The following ABL1 variants were observed in gnomAD, a reference collection of about 807,000 sequenced individuals.
The protein encoded by ABL1 is tyrosine-protein kinase ABL1.
A neutral mutation model predicts 94.7 loss-of-function variants in ABL1; 11 were observed. The observed-to-expected ratio is 0.12, with a 90% CI of 0.07 to 0.19. ABL1 has a LOEUF of 0.19. Ranked by LOEUF, ABL1 falls within the 10% of genes least tolerant of loss-of-function variation. ABL1 has a pLI of 1.00. For synonymous variants in ABL1, 656 were observed against 622.4 expected, an observed-to-expected ratio of 1.05 and a Z score of -0.80; for missense variants, 1,082 against 1,489.4, an observed-to-expected ratio of 0.73 and a Z score of 4.50.
chr9:130,763,302 C>T (rs1164313218), intron 1 of ABL1, among the ~76,000 whole-genome samples: 1 of 148,282 alleles, frequency 6.7e-6, no homozygotes, highest in Non-Finnish European at 1.5e-5. Context: ...GTCACTCTAC[C>T]ATCCACTCAA....
intron 1 of ABL1, among the ~76,000 whole-genome samples, chr9:130,753,404 CTTCTTTTTTTTTCTT>C (rs1446471849): frequency 6.1e-5 from 9 of 147,024 alleles, no homozygotes; most frequent in Admixed American, 2.8e-4. Context: ...TCTCTCATCT[CTTCTTTTTTTTTCTT>C]TTCTTTTTTT....
chr9:130,823,654 C>T (rs779669004), intron 1 of ABL1, among the ~76,000 whole-genome samples: 1 of 152,132 alleles, frequency 6.6e-6, no homozygotes, highest in East Asian at 1.9e-4. Context: ...AGAGGGAGTG[C>T]GTGCCTGTTG....
At chr9:130,868,520 CTTTTTTTT>C (rs71389371) in intron 4 of ABL1, among the ~76,000 whole-genome samples, 4 of 112,114 alleles carry the variant, frequency 3.6e-5, no homozygotes, top group Non-Finnish European at 5.7e-5. Flanking sequence ...TTTTCTTTTT[CTTTTTTTT>C]TTTTTTTTTT....
intron 1 of ABL1, among the ~76,000 whole-genome samples, chr9:130,810,357 G>A (rs893670329): frequency 1.2e-4 from 19 of 152,250 alleles, no homozygotes; most frequent in Middle Eastern, 3.4e-3. Flanking sequence ...TTAGCTGGGT[G>A]TGGTAGCGTG....
chr9:130,839,301 T>C (rs1174908193), intron 1 of ABL1, among the ~76,000 whole-genome samples: 1 of 152,132 alleles, frequency 6.6e-6, no homozygotes, highest in Non-Finnish European at 1.5e-5. Flanking sequence ...AGCGGATGCT[T>C]CATGTGGTGC....
At chr9:130,852,743 T>C (rs1387670153) in intron 1 of ABL1, among the ~76,000 whole-genome samples, 1 of 152,172 alleles carries the variant, frequency 6.6e-6, no homozygotes, top group Non-Finnish European at 1.5e-5. Context: ...ATGAATAATA[T>C]TCACACATTT....
chr9:130,718,615 T>C (rs1446988711), intron 1 of ABL1, among the ~76,000 whole-genome samples: 1 of 152,180 alleles, frequency 6.6e-6, no homozygotes, highest in Non-Finnish European at 1.5e-5. Context: ...GCACTGTGGC[T>C]TATGCCTGTA....
intron 1 of ABL1, among the ~76,000 whole-genome samples, chr9:130,830,128 A>G (rs940662164): frequency 3.9e-5 from 6 of 152,234 alleles, no homozygotes; most frequent in Admixed American, 1.3e-4. Flanking sequence ...ATTAATTTAA[A>G]AAAATGAGCA....
At chr9:130,720,961 G>A (rs544101125) in intron 1 of ABL1, among the ~76,000 whole-genome samples, 5 of 151,288 alleles carry the variant, frequency 3.3e-5, no homozygotes, top group Non-Finnish European at 5.9e-5. Context: ...CTGTGATTGC[G>A]CCACTGCACT....
chr9:130,719,990 G>C (rs1472052538), intron 1 of ABL1, among the ~76,000 whole-genome samples: 1 of 152,202 alleles, frequency 6.6e-6, no homozygotes, highest in Non-Finnish European at 1.5e-5. Context: ...TCAAATTTCA[G>C]TGGCTTGACT....
intron 3 of ABL1, among the ~76,000 whole-genome samples, chr9:130,859,283 T>G (rs984972573): frequency 2.0e-5 from 3 of 152,200 alleles, no homozygotes; most frequent in African/African-American, 7.2e-5. Flanking sequence ...CCAGTTGACA[T>G]TTATTTTCAT....
At chr9:130,859,675 TC>T (rs1831034976) in intron 3 of ABL1, among the ~76,000 whole-genome samples, 1 of 115,526 alleles carries the variant, frequency 8.7e-6, no homozygotes, top group African/African-American at 5.4e-5. Context: ...TTTCTTTCTT[TC>T]CTTTTTTTTT....
chr9:130,878,694 A>G, intron 8 of ABL1, 127 bp downstream of exon 8: 1 of 1,151,662 alleles, frequency 8.7e-7, no homozygotes, highest in Non-Finnish European at 1.2e-6. Flanking sequence ...CTTCAGATGC[A>G]GCTAATGTAG....
chr9:130,793,098 G>GT, intron 1 of ABL1, among the ~76,000 whole-genome samples: 1 of 152,042 alleles, frequency 6.6e-6, no homozygotes, highest in Admixed American at 6.6e-5. Context: ...CCTAGTTTTT[G>GT]TATTTTTAGT....
intron 1 of ABL1, among the ~76,000 whole-genome samples, chr9:130,800,999 C>T (rs1041308096): frequency 2.7e-5 from 4 of 150,628 alleles, no homozygotes; most frequent in Non-Finnish European, 4.4e-5. Context: ...GGCACGATCT[C>T]GGCTCACTGC....
At chr9:130,839,380 GAGGTCATCAGATACTT>G (rs891467867) in intron 1 of ABL1, among the ~76,000 whole-genome samples, 1 of 152,184 alleles carries the variant, frequency 6.6e-6, no homozygotes, top group African/African-American at 2.4e-5. Flanking sequence ...GCTCTCTCCT[GAGGTCATCAGATACTT>G]CCCTTGTTCA....
intron 1 of ABL1, among the ~76,000 whole-genome samples, chr9:130,725,423 C>A (rs1831568658): frequency 6.6e-6 from 1 of 152,122 alleles, no homozygotes. Context: ...TCTTGTTGCC[C>A]AGGCTGGAGT....
chr9:130,800,259 A>G (rs1009536154), intron 1 of ABL1, among the ~76,000 whole-genome samples: 1 of 152,140 alleles, frequency 6.6e-6, no homozygotes, highest in Non-Finnish European at 1.5e-5. Context: ...AAATTAAGGT[A>G]TTATTTACAT....
chr9:130,810,933 A>G (rs537610128), intron 1 of ABL1, among the ~76,000 whole-genome samples: 1 of 152,328 alleles, frequency 6.6e-6, no homozygotes, highest in South Asian at 2.1e-4. Context: ...GATACATTAT[A>G]TACTTAAGAT....
Sources: gnomAD v4.1 joint callset for allele counts (sites outside exome capture counted in the v4.1 genomes callset) on GRCh38, gnomAD v4.1.1 for gene constraint, MANE v1.5 for transcripts, NCBI Gene and HGNC (gene_info 2026-07-23, HGNC 2026-07-21) for gene names.